The following EEFSEC variants were observed in gnomAD, a reference collection of about 807,000 sequenced individuals.
EEFSEC encodes eukaryotic elongation factor, selenocysteine-tRNA specific.
A neutral mutation model predicts 42.1 loss-of-function variants in EEFSEC; 43 were observed. That is an observed-to-expected ratio of 1.02 (90% CI 0.80 to 1.32). EEFSEC has a LOEUF of 1.32. Ranked by LOEUF, EEFSEC falls within the 40% of genes most tolerant of loss-of-function variation. The pLI is 0.00. For synonymous variants in EEFSEC, 354 were observed against 339.1 expected (o/e 1.04, Z -0.48); for missense variants, 745 against 803.6 (o/e 0.93, Z 0.88).
intron 4 of EEFSEC, among the ~76,000 whole-genome samples, chr3:128,284,910 G>A (rs1017698895): frequency 2.8e-5 from 4 of 143,992 alleles, no homozygotes; most frequent in African/African-American, 1.0e-4. Flanking sequence ...ATGCTTTAAC[G>A]TTTTTTTTTT....
At chr3:128,392,720 G>A (rs756196379) in intron 6 of EEFSEC, among the ~76,000 whole-genome samples, 5 of 152,262 alleles carry the variant, frequency 3.3e-5, no homozygotes, top group East Asian at 1.9e-4. Context: ...AACCACTCCC[G>A]CCTCACCCCT....
intron 1 of EEFSEC, among the ~76,000 whole-genome samples, chr3:128,234,764 T>A (rs935178287): frequency 1.2e-4 from 19 of 152,226 alleles, no homozygotes; most frequent in African/African-American, 4.1e-4. Context: ...GTGTCTGAGA[T>A]GACTTGATGT....
chr3:128,351,552 G>A (rs2067385269), intron 5 of EEFSEC, among the ~76,000 whole-genome samples: 1 of 152,202 alleles, frequency 6.6e-6, no homozygotes, highest in Non-Finnish European at 1.5e-5. Flanking sequence ...TCCATTTCAT[G>A]GCACGTTTGC....
At chr3:128,217,000 G>T (rs2065817471) in intron 1 of EEFSEC, among the ~76,000 whole-genome samples, 2 of 152,262 alleles carry the variant, frequency 1.3e-5, no homozygotes, top group South Asian at 4.1e-4. Context: ...TAGTATTATA[G>T]TAGATAATAA....
the EEFSEC span, among the ~76,000 whole-genome samples, chr3:128,421,743 C>A: frequency 1.3e-5 from 2 of 152,292 alleles, no homozygotes; most frequent in African/African-American, 4.8e-5. Context: ...CGCCACAGGA[C>A]TGAGGGGCCC....
intron 4 of EEFSEC, among the ~76,000 whole-genome samples, chr3:128,271,901 G>A (rs1406220056): frequency 6.6e-6 from 1 of 152,170 alleles, no homozygotes; most frequent in Non-Finnish European, 1.5e-5. Context: ...ACGGAAGGCA[G>A]AGCATAGCTC....
At chr3:128,357,917 A>G (rs2067476432) in intron 5 of EEFSEC, among the ~76,000 whole-genome samples, 1 of 151,976 alleles carries the variant, frequency 6.6e-6, no homozygotes, top group South Asian at 2.1e-4. Context: ...TCATCTGTAA[A>G]GTGGCGCCAC....
intron 1 of EEFSEC, among the ~76,000 whole-genome samples, chr3:128,182,061 C>T (rs1467053602): frequency 6.6e-6 from 1 of 152,180 alleles, no homozygotes; most frequent in African/African-American, 2.4e-5. Context: ...GATCCGCCTG[C>T]CTTGGGCTCC....
chr3:128,334,863 T>C lies in EEFSEC; in HGVS notation c.787-6370T>C, dbSNP rs149421098. On this transcript the variant is annotated intron_variant, in intron 4 of 6. Transcript: ENST00000254730. Reference sequence around the variant, plus strand: ...CCTCCCAGAGGCCACCATGGTGGTATAGGGCAGCAGCACCTCTCCCCATTC... The same window carrying C: ...CCTCCCAGAGGCCACCATGGTGGTACAGGGCAGCAGCACCTCTCCCCATTC... Among the ~76,000 whole-genome samples the C allele has an allele frequency of 2.3e-4, 35 of 152,334 alleles. No homozygotes were observed. The East Asian group carries it at 5.2e-3, about 23-fold the overall frequency.
Position 128,296,580 on chromosome 3 carries a change from C to T in EEFSEC, c.786+31799C>T, listed in dbSNP as rs139369826. Reference sequence around the variant, plus strand: ...CACAGACCTGCAGGGCCTGTGTCTCCTCGTCATCCGCACAGGGGTATATCC... The same window carrying T: ...CACAGACCTGCAGGGCCTGTGTCTCTTCGTCATCCGCACAGGGGTATATCC... On this transcript the variant is annotated intron_variant, in intron 4 of 6. Transcript: ENST00000254730. 4.6e-3 allele frequency among the ~76,000 whole-genome samples: 694 copies of T among 152,312 alleles called. 4 individuals are homozygous for T. The highest frequency in any genetic ancestry group is 0.015 in the African/African-American group (607 of 41,562).
At chr3:128,341,930 T>C (rs376378299) in intron 5 of EEFSEC, 41 bp downstream of exon 5, 43 of 1,583,172 alleles carry the variant, frequency 2.7e-5, no homozygotes, top group Non-Finnish European at 3.6e-5. Flanking sequence ...CTTCCCTTCT[T>C]GCTCGGGCAG....
At chr3:128,342,954 G>C (rs767278670) in intron 5 of EEFSEC, among the ~76,000 whole-genome samples, 4 of 152,252 alleles carry the variant, frequency 2.6e-5, no homozygotes, top group Non-Finnish European at 4.4e-5. Context: ...CTAGCTCCCT[G>C]GCTGTGGGTC....
At chr3:128,250,953 G>A (rs142218109) in intron 2 of EEFSEC, among the ~76,000 whole-genome samples, 54 of 90,752 alleles carry the variant, frequency 6.0e-4, no homozygotes, top group East Asian at 2.9e-3. Flanking sequence ...AGTTTTTAGC[G>A]TACAAGGCTT....
chr3:128,284,309 C>T (rs573968313), intron 4 of EEFSEC, among the ~76,000 whole-genome samples: 21 of 152,366 alleles, frequency 1.4e-4, no homozygotes, highest in African/African-American at 4.8e-4. Context: ...ATAATTCCAT[C>T]TTTTCTTGAC....
intron 4 of EEFSEC, among the ~76,000 whole-genome samples, chr3:128,306,335 T>G (rs950778371): frequency 1.3e-5 from 2 of 152,250 alleles, no homozygotes; most frequent in African/African-American, 4.8e-5. Flanking sequence ...GCCTACAATT[T>G]GTGCTTTACA....
At chr3:128,296,323 C>G (rs1416128174) in intron 4 of EEFSEC, among the ~76,000 whole-genome samples, 4 of 152,132 alleles carry the variant, frequency 2.6e-5, no homozygotes, top group Admixed American at 2.6e-4. Context: ...AGGATGGTGT[C>G]TGAGCTGGCC....
intron 6 of EEFSEC, among the ~76,000 whole-genome samples, chr3:128,361,225 G>C (rs1252068546): frequency 2.6e-5 from 4 of 152,126 alleles, no homozygotes; most frequent in African/African-American, 9.7e-5. Flanking sequence ...TTTCACCTTG[G>C]GTTGCAAGGT....
chr3:128,371,152 C>G (rs1286916010), intron 6 of EEFSEC, among the ~76,000 whole-genome samples: 2 of 151,864 alleles, frequency 1.3e-5, no homozygotes, highest in Non-Finnish European at 2.9e-5. Context: ...TTTTTTCACC[C>G]GAAGTCTTTC....
chr3:128,222,953 C>T (rs75974552), intron 1 of EEFSEC, among the ~76,000 whole-genome samples: 1 of 152,186 alleles, frequency 6.6e-6, no homozygotes, highest in East Asian at 1.9e-4. Context: ...AAGGAGATGA[C>T]TCAAGATGGG....
Sources: gnomAD v4.1 joint callset for allele counts (sites outside exome capture counted in the v4.1 genomes callset) on GRCh38, gnomAD v4.1.1 for gene constraint, MANE v1.5 for transcripts, NCBI Gene and HGNC (gene_info 2026-07-23, HGNC 2026-07-21) for gene names.